Variants in DNAH7 observed in about 807,000 individuals in gnomAD.
The protein encoded by DNAH7 is dynein axonemal heavy chain 7.
A neutral mutation model predicts 444.6 loss-of-function variants in DNAH7; 397 were observed. The observed-to-expected ratio is 0.89, with a 90% CI of 0.82 to 0.97. The LOEUF (loss-of-function observed/expected upper bound fraction) is 0.97, where lower values mean the gene tolerates loss of function less well. Ranked by LOEUF, DNAH7 falls within the 50% of genes least tolerant of loss-of-function variation. The pLI, the probability that DNAH7 is intolerant of heterozygous loss-of-function variation, is 0.00. For synonymous variants in DNAH7, 1,636 were observed against 1,624.4 expected (o/e 1.01, Z -0.17); for missense variants, 4,902 against 4,800.8 (o/e 1.02, Z -0.62).
In DNAH7 at chr2:195,864,488, T is replaced by C; in HGVS notation, c.7167A>G (p.Glu2389=). The part of the protein sequence containing the change: ...DLKVILRKCA[E]GEMQGVFLFT... ...ACAGGAAGACACCCTGCATCTCACC[T>C]TCCGCACATTTCCTTAAGATCACTT... Residue 2389 remains glutamate, a synonymous_variant, in exon 41 of 65, where the codon GAA becomes GAG. Transcript: ENST00000312428. 6.2e-7 allele frequency: 1 copy of C among 1,614,252 alleles called. No individual in the cohort carries two copies. Among genetic ancestry groups the C allele is most frequent in the Non-Finnish European group, 8.5e-7 (1 of 1,180,050 alleles).
intron 12 of DNAH7, chr2:195,994,439 G>A: frequency 1.7e-6 from 1 of 591,930 alleles, no homozygotes; most frequent in Admixed American, 2.2e-5. Flanking sequence ...AGTTGGCTGG[G>A]GAGGCCAAGG....
intron 24 of DNAH7, among the ~76,000 whole-genome samples, chr2:195,914,085 T>C (rs893459013): frequency 1.3e-5 from 2 of 152,230 alleles, no homozygotes; most frequent in African/African-American, 4.8e-5. Context: ...TGAATTTCCA[T>C]TCCCCTCTGG....
chr2:195,964,266 C>T (rs1425449084), intron 17 of DNAH7, among the ~76,000 whole-genome samples: 1 of 152,158 alleles, frequency 6.6e-6, no homozygotes, highest in Non-Finnish European at 1.5e-5. Context: ...ATTGATTCTT[C>T]AAATCCATGA....
chr2:195,936,664 G>T lies in DNAH7; in HGVS notation c.3207C>A (p.Pro1069=). ...CATCATTGGACAAAAAAAAGAATCT[G>T]GGGAAAAAGAGGCGTTTCTTTTCCA... ...EYLEKKRLFF[P]RFFFLSNDEL... Residue 1069 remains proline (P), a synonymous_variant, in exon 20 of 65, where the codon CCC becomes CCA. Coordinates refer to ENST00000312428, the MANE Select transcript of DNAH7 (RefSeq NM_018897.3). The T allele has an allele frequency of 6.2e-7, 1 of 1,605,212 alleles. No individual in the cohort carries two copies. Among genetic ancestry groups the T allele is most frequent in the Non-Finnish European group, 8.5e-7 (1 of 1,176,972 alleles).
intron 48 of DNAH7, among the ~76,000 whole-genome samples, chr2:195,828,169 C>G (rs1697874485): frequency 6.6e-6 from 1 of 152,136 alleles, no homozygotes; most frequent in Non-Finnish European, 1.5e-5. Context: ...TAATAATTCA[C>G]AGTTTTGTCA....
chr2:195,826,266 A>G (rs956967815), intron 48 of DNAH7, among the ~76,000 whole-genome samples: 1 of 152,208 alleles, frequency 6.6e-6, no homozygotes, highest in African/African-American at 2.4e-5. Flanking sequence ...AGTTGCAATG[A>G]GCACTCATTT....
At chr2:195,976,743 CAGACAGAG>C (rs1367337837) in intron 15 of DNAH7, among the ~76,000 whole-genome samples, 5 of 18,350 alleles carry the variant, frequency 2.7e-4, no homozygotes, top group Admixed American at 1.7e-3. Context: ...GACAGAGAGG[CAGACAGAG>C]AGAGAGAGAG....
At chr2:195,847,220 C>T (rs1559141038) in intron 46 of DNAH7, among the ~76,000 whole-genome samples, 1 of 150,790 alleles carries the variant, frequency 6.6e-6, no homozygotes, top group African/African-American at 2.4e-5. Flanking sequence ...TCCTAACACA[C>T]ATGTGTATGT....
chr2:195,797,694 T>G (rs1466313495), intron 55 of DNAH7, among the ~76,000 whole-genome samples: 1 of 152,220 alleles, frequency 6.6e-6, no homozygotes, highest in East Asian at 1.9e-4. Context: ...ACTAGGGGCC[T>G]CCTTCTATTC....
Position 195,959,950 on chromosome 2 carries a change from G to A in DNAH7, c.2891+310C>T, listed in dbSNP as rs574551700. On this transcript the variant is annotated intron_variant, in intron 18 of 64. Transcript: ENST00000312428. ...AGATCATATTGTAGGCAATAAAAAC[G>A]AATATCTGGATGTTGATTGTCCACT... Among the ~76,000 whole-genome samples, 9 of 152,252 alleles carry A rather than the reference G, an allele frequency of 5.9e-5. No individual in the cohort carries two copies. The East Asian group carries it at 1.2e-3, about 20-fold the overall frequency.
chr2:195,944,698 A>G (rs1452530218), intron 19 of DNAH7, among the ~76,000 whole-genome samples: 1 of 152,120 alleles, frequency 6.6e-6, no homozygotes, highest in Non-Finnish European at 1.5e-5. Context: ...GACCTATTGA[A>G]TCAGATTCTA....
intron 19 of DNAH7, among the ~76,000 whole-genome samples, chr2:195,950,424 A>G (rs972804018): frequency 5.3e-5 from 8 of 152,066 alleles, no homozygotes; most frequent in African/African-American, 1.9e-4. Context: ...CTGTGATGGT[A>G]GTTTGTATTT....
intron 46 of DNAH7, among the ~76,000 whole-genome samples, chr2:195,846,369 C>T (rs934188982): frequency 3.3e-5 from 5 of 152,020 alleles, no homozygotes; most frequent in Non-Finnish European, 5.9e-5. Flanking sequence ...CAGATGCTGG[C>T]GAGGTCACAG....
intron 24 of DNAH7, among the ~76,000 whole-genome samples, chr2:195,912,195 G>A (rs1687399033): frequency 1.3e-5 from 2 of 152,112 alleles, no homozygotes; most frequent in South Asian, 4.1e-4. Context: ...TCTGTATGGT[G>A]GAAGAAAGAG....
chr2:196,040,260 T>C (rs529948080), intron 5 of DNAH7, among the ~76,000 whole-genome samples: 9 of 151,998 alleles, frequency 5.9e-5, no homozygotes, highest in African/African-American at 1.7e-4. Context: ...CAGATACAGA[T>C]ACAACAAAAG....
At chr2:195,748,236 C>T (rs1187357164) in intron 63 of DNAH7, among the ~76,000 whole-genome samples, 6 of 152,060 alleles carry the variant, frequency 3.9e-5, no homozygotes, top group East Asian at 1.9e-4. Flanking sequence ...CCATTCACAA[C>T]TTATTCAAAG....
intron 37 of DNAH7, among the ~76,000 whole-genome samples, chr2:195,876,143 C>T (rs1373331496): frequency 6.6e-6 from 1 of 152,140 alleles, no homozygotes; most frequent in African/African-American, 2.4e-5. Flanking sequence ...TTGTACTACA[C>T]TTCAATTCAT....
chr2:195,971,415 G>A (rs1691832160), intron 16 of DNAH7, among the ~76,000 whole-genome samples: 1 of 152,198 alleles, frequency 6.6e-6, no homozygotes, highest in Admixed American at 6.5e-5. Flanking sequence ...CTCTCAAGGA[G>A]CTGATGATCC....
chr2:196,041,759 G>A (rs1443734491), intron 5 of DNAH7, among the ~76,000 whole-genome samples: 1 of 151,912 alleles, frequency 6.6e-6, no homozygotes, highest in African/African-American at 2.4e-5. Context: ...AGAATGAAGA[G>A]AAAACCCACA....
Sources: gnomAD v4.1 joint callset for allele counts (sites outside exome capture counted in the v4.1 genomes callset) on GRCh38, gnomAD v4.1.1 for gene constraint, MANE v1.5 for transcripts, NCBI Gene and HGNC (gene_info 2026-07-23, HGNC 2026-07-21) for gene names.